The following BTBD9 variants were observed in gnomAD, a reference collection of about 807,000 sequenced individuals.
The protein encoded by BTBD9 is BTB/POZ domain-containing protein 9.
Under a neutral mutation model 64.3 loss-of-function variants are expected in BTBD9, and 49 were observed. The ratio of observed to expected loss-of-function variants is 0.76; its 90% confidence interval spans 0.61 to 0.97. The LOEUF is 0.97. Among genes scored for constraint, BTBD9 ranks in the 50% least tolerant of loss-of-function variants. The pLI, the probability that BTBD9 is intolerant of heterozygous loss-of-function variation, is 0.00. For synonymous variants in BTBD9, 260 were observed against 274.7 expected (o/e 0.95, Z 0.53); for missense variants, 598 against 762.1 (o/e 0.78, Z 2.53).
At chr6:38,448,799 TGA>T (rs1769389927) in intron 6 of BTBD9, among the ~76,000 whole-genome samples, 1 of 152,194 alleles carries the variant, frequency 6.6e-6, no homozygotes, top group South Asian at 2.1e-4. Flanking sequence ...ATTACAGGCA[TGA>T]GCCACCGCAC....
intron 8 of BTBD9, among the ~76,000 whole-genome samples, chr6:38,258,120 G>A (rs1178987139): frequency 6.6e-6 from 1 of 151,796 alleles, no homozygotes; most frequent in African/African-American, 2.4e-5. Context: ...CGAGTAGCTG[G>A]GATTACAGGC....
intron 6 of BTBD9, among the ~76,000 whole-genome samples, chr6:38,352,160 T>C (rs770092599): frequency 2.0e-5 from 3 of 152,044 alleles, no homozygotes. Flanking sequence ...GAGGATCACT[T>C]GAGCCTAGGA....
intron 6 of BTBD9, among the ~76,000 whole-genome samples, chr6:38,374,419 A>C (rs2045946845): frequency 6.7e-6 from 1 of 148,154 alleles, no homozygotes; most frequent in South Asian, 2.2e-4. Context: ...ATTAATATTC[A>C]GAAATTTCTA....
intron 6 of BTBD9, among the ~76,000 whole-genome samples, chr6:38,524,593 T>C (rs1351911232): frequency 2.0e-5 from 3 of 152,152 alleles, no homozygotes; most frequent in Non-Finnish European, 4.4e-5. Flanking sequence ...ACATTATGAG[T>C]CTTCTGAAAA....
intron 8 of BTBD9, among the ~76,000 whole-genome samples, chr6:38,269,564 G>A (rs1342250316): frequency 6.6e-6 from 1 of 151,928 alleles, no homozygotes; most frequent in Non-Finnish European, 1.5e-5. Context: ...AAACTGGTGT[G>A]GGTCATAGGA....
intron 6 of BTBD9, among the ~76,000 whole-genome samples, chr6:38,472,297 G>A (rs1411287104): frequency 6.6e-6 from 1 of 152,180 alleles, no homozygotes; most frequent in Non-Finnish European, 1.5e-5. Context: ...GATGGAGCCT[G>A]CAGTGCTATT....
chr6:38,616,333 G>A (rs1315492046), intron 1 of BTBD9, among the ~76,000 whole-genome samples: 1 of 152,106 alleles, frequency 6.6e-6, no homozygotes, highest in Non-Finnish European at 1.5e-5. Flanking sequence ...GCCATGCTTG[G>A]ACTTTTACTT....
intron 7 of BTBD9, among the ~76,000 whole-genome samples, chr6:38,291,674 C>T (rs1761963230): frequency 1.3e-5 from 2 of 152,142 alleles, no homozygotes; most frequent in Admixed American, 1.3e-4. Flanking sequence ...TCCATCAATA[C>T]CTAGTTTACT....
At chr6:38,521,421 T>C (rs1232376017) in intron 6 of BTBD9, among the ~76,000 whole-genome samples, 1 of 152,246 alleles carries the variant, frequency 6.6e-6, no homozygotes, top group Non-Finnish European at 1.5e-5. Flanking sequence ...TATCCTTATA[T>C]GAAATGCTTC....
intron 6 of BTBD9, among the ~76,000 whole-genome samples, chr6:38,400,902 C>T (rs1270608343): frequency 1.3e-5 from 2 of 152,276 alleles, no homozygotes; most frequent in Admixed American, 6.5e-5. Flanking sequence ...TCTCCTATTC[C>T]TTCTGCTACA....
chr6:38,504,101 G>A (rs1000079277), intron 6 of BTBD9, among the ~76,000 whole-genome samples: 7 of 152,150 alleles, frequency 4.6e-5, no homozygotes, highest in Admixed American at 2.6e-4. Flanking sequence ...CTTGCAGAGT[G>A]CCCTCACTTC....
intron 6 of BTBD9, among the ~76,000 whole-genome samples, chr6:38,575,344 T>A (rs1775977483): frequency 6.6e-6 from 1 of 152,148 alleles, no homozygotes; most frequent in East Asian, 1.9e-4. Context: ...AAGATTAGAA[T>A]CCATACTGCC....
chr6:38,375,084 C>G (rs1765630584), intron 6 of BTBD9, among the ~76,000 whole-genome samples: 1 of 152,136 alleles, frequency 6.6e-6, no homozygotes. Context: ...CTTGATAAAA[C>G]CAGCGTTGAA....
Position 38,170,197 on chromosome 6 carries a change from G to C in BTBD9, c.*4788C>G, listed in dbSNP as rs1372458476. On this transcript the variant is annotated 3_prime_UTR_variant, in exon 11 of 11. Transcript: ENST00000481247. ...CTTTTTTAAGTGAGTAAAGAGAACAGTGATTTTCAAACAATGGTGTGTCGG... is the reference window on the plus strand; with the variant it reads ...CTTTTTTAAGTGAGTAAAGAGAACACTGATTTTCAAACAATGGTGTGTCGG... 1.3e-5 allele frequency: 2 copies of C among 152,292 alleles called. No individual in the cohort carries two copies. The highest frequency in any genetic ancestry group is 4.8e-5 in the African/African-American group (2 of 41,462). 9.4% of individuals were successfully genotyped at this position (152,292 alleles called of 1,614,324 possible). A position where few individuals can be genotyped will look rare whatever the true frequency, so the allele number is the denominator to read the frequency against.
chr6:38,392,435 C>A (rs1766461259), intron 6 of BTBD9, among the ~76,000 whole-genome samples: 1 of 152,082 alleles, frequency 6.6e-6, no homozygotes, highest in African/African-American at 2.4e-5. Flanking sequence ...AATCACACGA[C>A]CAGAGACACA....
chr6:38,347,290 T>A (rs1399028833), intron 6 of BTBD9, among the ~76,000 whole-genome samples: 1 of 152,106 alleles, frequency 6.6e-6, no homozygotes, highest in African/African-American at 2.4e-5. Context: ...AAATAATATA[T>A]ATGGTGGGAA....
chr6:38,402,598 CA>C (rs1209188434), intron 6 of BTBD9, among the ~76,000 whole-genome samples: 9 of 152,168 alleles, frequency 5.9e-5, no homozygotes, highest in African/African-American at 1.9e-4. Context: ...GTGCCTGGGA[CA>C]ACTGGATGTC....
chr6:38,463,309 G>A lies in BTBD9; in HGVS notation c.1154+114291C>T, dbSNP rs552016339. Among the ~76,000 whole-genome samples, 6 of 152,312 alleles carry A rather than the reference G, an allele frequency of 3.9e-5. No homozygotes were observed. The South Asian group carries it at 1.2e-3, about 32-fold the overall frequency. ...CCATTGGATTTTCTGCATAGACAATGATATTGTCTGAGAATTAAAAAGTTT... is the reference window on the plus strand; with the variant it reads ...CCATTGGATTTTCTGCATAGACAATAATATTGTCTGAGAATTAAAAAGTTT... On this transcript the variant is annotated intron_variant, in intron 6 of 10. Transcript: ENST00000481247.
intron 7 of BTBD9, among the ~76,000 whole-genome samples, chr6:38,315,564 G>A (rs557972187): frequency 4.0e-5 from 6 of 151,532 alleles, no homozygotes; most frequent in Admixed American, 3.3e-4. Flanking sequence ...TCTCTTCCTT[G>A]ACCCACTGGT....
Sources: gnomAD v4.1 joint callset for allele counts (sites outside exome capture counted in the v4.1 genomes callset) on GRCh38, gnomAD v4.1.1 for gene constraint, MANE v1.5 for transcripts, NCBI Gene and HGNC (gene_info 2026-07-23, HGNC 2026-07-21) for gene names.